CACHD1: variants seen among roughly 807,000 people sequenced by gnomAD.
The protein encoded by CACHD1 is cache domain containing 1.
Under a neutral mutation model 138.7 loss-of-function variants are expected in CACHD1, and 71 were observed. The observed-to-expected ratio is 0.51, with a 90% CI of 0.42 to 0.62. The LOEUF (loss-of-function observed/expected upper bound fraction) is 0.62. Among genes scored for constraint, CACHD1 ranks in the 20% least tolerant of loss-of-function variants. The pLI is 0.00. For synonymous variants in CACHD1, 578 were observed against 591.5 expected, an observed-to-expected ratio of 0.98 and a Z score of 0.33; for missense variants, 1,389 against 1,625.3, an observed-to-expected ratio of 0.85 and a Z score of 2.50.
chr1:64,588,605 TGG>T (rs1168541063), intron 3 of CACHD1, among the ~76,000 whole-genome samples: 1 of 152,038 alleles, frequency 6.6e-6, no homozygotes, highest in Admixed American at 6.5e-5. Flanking sequence ...CTCGAACTCC[TGG>T]ACTCAAGTGA....
At chr1:64,527,186 G>C (rs893768461) in intron 1 of CACHD1, among the ~76,000 whole-genome samples, 1 of 152,156 alleles carries the variant, frequency 6.6e-6, no homozygotes, top group Non-Finnish European at 1.5e-5. Context: ...AGCGGCACAG[G>C]GACAGTTGCA....
chr1:64,529,070 TCTA>T (rs2100395976), intron 1 of CACHD1, among the ~76,000 whole-genome samples: 1 of 152,252 alleles, frequency 6.6e-6, no homozygotes, highest in South Asian at 2.1e-4. Context: ...AATTCATGAA[TCTA>T]TAGTCTGGTG....
Position 64,679,732 on chromosome 1 carries a change from C to T in CACHD1, c.3382C>T (p.His1128Tyr), listed in dbSNP as rs1650109761. 1.2e-6 allele frequency: 2 copies of T among 1,614,002 alleles called. No homozygotes were observed. Among genetic ancestry groups the T allele is most frequent in the Admixed American group, 1.7e-5 (1 of 60,022 alleles). Reference protein sequence around the residue: ...RHQIHRRSHQHMSPLAAQEMS... With the variant: ...RHQIHRRSHQYMSPLAAQEMS... The stretch of plus-strand genomic sequence containing the variant: ...CCAGATTCATCGCCGGAGCCATCAG[C>T]ATATGTCTCCTCTTGCTGCCCAAGG... The change falls in exon 24 of 27, where the codon CAT (histidine) becomes TAT (tyrosine). Residue 1128 changes from histidine to tyrosine, a missense_variant. Coordinates refer to ENST00000651257, the MANE Select transcript of CACHD1 (RefSeq NM_020925.4).
Position 64,629,450 on chromosome 1 carries a change from C to T in CACHD1, c.613C>T (p.Arg205Trp), listed in dbSNP as rs768498736. ...IFTVFPAHKF[R>W]CKGSYEHRSR... ...CACTGTTTTCCCAGCACACAAGTTCCGGTGTAAGGGCAGCTACGAACACCG... is the reference window on the plus strand; with the variant it reads ...CACTGTTTTCCCAGCACACAAGTTCTGGTGTAAGGGCAGCTACGAACACCG... Residue 205 changes from arginine (R) to tryptophan (W), a missense_variant, in exon 5 of 27, where the codon CGG (arginine) becomes TGG (tryptophan). Arg to Trp is a moderately radical substitution (Grantham distance 101, BLOSUM62 -3). Transcript: ENST00000651257. 19 of 1,613,912 alleles carry T rather than the reference C, an allele frequency of 1.2e-5. No individual in the cohort carries two copies. The highest frequency in any genetic ancestry group is 6.7e-5 in the East Asian group (3 of 44,894).
intron 2 of CACHD1, among the ~76,000 whole-genome samples, chr1:64,572,142 C>T (rs1019905747): frequency 2.5e-4 from 38 of 152,256 alleles, no homozygotes; most frequent in South Asian, 6.2e-4. Flanking sequence ...CCCTTTCCCT[C>T]GTGATTAATA....
At chr1:64,567,232 C>T (rs910120956) in intron 2 of CACHD1, among the ~76,000 whole-genome samples, 2 of 151,862 alleles carry the variant, frequency 1.3e-5, no homozygotes, top group East Asian at 1.9e-4. Flanking sequence ...ATCCCAAGGA[C>T]GTTGTTAAAT....
At chr1:64,471,404 CCGCGTCCTCGCGTCCT>C (rs976252659) in intron 1 of CACHD1, among the ~76,000 whole-genome samples, 1 of 152,246 alleles carries the variant, frequency 6.6e-6, no homozygotes, top group African/African-American at 2.4e-5. Context: ...ACCCCCTTGA[CCGCGTCCTCGCGTCCT>C]CGCGTCCTCC....
At chr1:64,689,786 A>G (rs1650484358) in intron 26 of CACHD1, among the ~76,000 whole-genome samples, 1 of 151,990 alleles carries the variant, frequency 6.6e-6, no homozygotes, top group Non-Finnish European at 1.5e-5. Flanking sequence ...CTTTATATCC[A>G]CTTATCAAAC....
rs567109762 is a variant in CACHD1 at position 64,637,013 on chromosome 1, G to T, written c.1006+2753G>T. 5.3e-5 allele frequency among the ~76,000 whole-genome samples: 8 copies of T among 152,242 alleles called. No homozygotes were observed. The South Asian group carries it at 1.7e-3, about 32-fold the overall frequency. On this transcript the variant is annotated intron_variant, in intron 7 of 26. Coordinates refer to ENST00000651257, the MANE Select transcript of CACHD1 (RefSeq NM_020925.4). ...ATCCACAAGCCAATATTATGGGGTG[G>T]CTGAGCGTAAAGTTGCCCTTGGTTC...
At chr1:64,523,381 G>T (rs533874829) in intron 1 of CACHD1, among the ~76,000 whole-genome samples, 15 of 152,318 alleles carry the variant, frequency 9.8e-5, no homozygotes, top group Non-Finnish European at 1.9e-4. Flanking sequence ...TTTCTAGGGG[G>T]TTGTTTTTAA....
intron 1 of CACHD1, among the ~76,000 whole-genome samples, chr1:64,507,458 G>C (rs916824720): frequency 2.0e-5 from 3 of 152,232 alleles, no homozygotes; most frequent in African/African-American, 7.2e-5. Flanking sequence ...GATGAAAGGT[G>C]ATGTTTTTTA....
intron 1 of CACHD1, among the ~76,000 whole-genome samples, chr1:64,477,608 TATTATTATTATTATTATTTTA>T (rs1557454995): frequency 1.4e-5 from 2 of 145,478 alleles, no homozygotes; most frequent in African/African-American, 5.1e-5. Context: ...TTATTATTAT[TATTATTATTATTATTATTTTA>T]TTTTATTTTT....
At chr1:64,633,689 T>A (rs1484565013) in intron 6 of CACHD1, among the ~76,000 whole-genome samples, 2 of 152,150 alleles carry the variant, frequency 1.3e-5, no homozygotes, top group Non-Finnish European at 2.9e-5. Flanking sequence ...CACACACACC[T>A]CACTCTCTTA....
chr1:64,673,123 G>T, intron 17 of CACHD1, 35 bp from the exon 18 acceptor site: 5 of 1,469,956 alleles, frequency 3.4e-6, no homozygotes, highest in Admixed American at 1.8e-5. Context: ...AAAAACAGCT[G>T]ATATGAATGA....
rs75820644 is a variant in CACHD1 at position 64,600,387 on chromosome 1, C to T, written c.411-2419C>T. ...GACTCACTAAATCAGACTCTCTTAA[C>T]GGTGGATCCCAGGAATCTGCATTCT... On this transcript the variant is annotated intron_variant, in intron 3 of 26. Transcript: ENST00000651257. 3.1e-3 allele frequency among the ~76,000 whole-genome samples: 478 copies of T among 152,292 alleles called. 3 individuals are homozygous for T. The highest frequency in any genetic ancestry group is 0.011 in the African/African-American group (441 of 41,566).
chr1:64,586,082 G>A (rs2100546182), intron 3 of CACHD1, among the ~76,000 whole-genome samples: 1 of 152,104 alleles, frequency 6.6e-6, no homozygotes, highest in African/African-American at 2.4e-5. Flanking sequence ...TGTTTTTTTG[G>A]AGATAGAGTC....
chr1:64,542,892 T>C (rs1005646295), intron 1 of CACHD1, among the ~76,000 whole-genome samples: 2 of 152,016 alleles, frequency 1.3e-5, no homozygotes, highest in Non-Finnish European at 2.9e-5. Flanking sequence ...ATTGTAAATA[T>C]TAAATGAGAC....
intron 8 of CACHD1, among the ~76,000 whole-genome samples, chr1:64,644,885 G>A (rs188858452): frequency 6.4e-4 from 97 of 152,326 alleles, no homozygotes; most frequent in Non-Finnish European, 1.1e-3. Context: ...ATCACCTGAG[G>A]TCAGGAGTTC....
At chr1:64,618,723 A>G (rs1312879132) in intron 4 of CACHD1, among the ~76,000 whole-genome samples, 1 of 152,122 alleles carries the variant, frequency 6.6e-6, no homozygotes, top group Non-Finnish European at 1.5e-5. Flanking sequence ...TTCTCCTCCA[A>G]AATGTTTGCT....
Sources: allele counts gnomAD v4.1 joint callset (sites outside exome capture counted in the v4.1 genomes callset), GRCh38; gene constraint gnomAD v4.1.1; transcripts MANE v1.5; gene names NCBI Gene and HGNC (gene_info 2026-07-23, HGNC 2026-07-21).